The following ASAP1 variants were observed in gnomAD, a reference collection of about 807,000 sequenced individuals.
ASAP1 encodes arf-GAP with SH3 domain, ANK repeat and PH domain-containing protein 1.
A neutral mutation model predicts 145.2 loss-of-function variants in ASAP1; 43 were observed. That is an observed-to-expected ratio of 0.30 (90% CI 0.23 to 0.38). The LOEUF (loss-of-function observed/expected upper bound fraction) is 0.38. Among genes scored for constraint, ASAP1 ranks in the 10% least tolerant of loss-of-function variants. The pLI, the probability that ASAP1 is intolerant of heterozygous loss-of-function variation, is 1.00. For missense variants in ASAP1, 1,018 were observed against 1,355.3 expected (o/e 0.75, Z 3.91); for synonymous variants, 546 against 515.5 (o/e 1.06, Z -0.80).
At position 130,149,119 on chromosome 8, in the gene ASAP1, T is replaced by C. The variant is rs1274108870; in HGVS notation, c.1080+3617A>G. 2.6e-4 allele frequency among the ~76,000 whole-genome samples: 39 copies of C among 149,954 alleles called. 1 individual carries two copies. The highest frequency in any genetic ancestry group is 2.5e-3 in the Admixed American group (37 of 14,772). On this transcript the variant is annotated intron_variant, in intron 13 of 29. Transcript: ENST00000518721. ...TGTCTCAGCCTCCCAAAATGAGGCA[T>C]GAGCGGATTACAGGCATGAGCCACC...
intron 25 of ASAP1, chr8:130,084,483 A>C: frequency 6.6e-6 from 1 of 152,248 alleles, no homozygotes; most frequent in East Asian, 1.9e-4. Flanking sequence ...GCAATGGAAG[A>C]AGTGTGGCCA....
chr8:130,433,081 G>C (rs1250368296), intron 1 of ASAP1, among the ~76,000 whole-genome samples: 1 of 152,212 alleles, frequency 6.6e-6, no homozygotes, highest in Non-Finnish European at 1.5e-5. Context: ...GGAAGTAACT[G>C]TCCTACGAGA....
chr8:130,112,441 T>C, intron 23 of ASAP1, 119 bp from the exon 24 acceptor site: 1 of 750,050 alleles, frequency 1.3e-6, no homozygotes, highest in Non-Finnish European at 2.2e-6. Flanking sequence ...CTGAGCTTTA[T>C]GAGGTCAGCC....
At chr8:130,348,530 T>G (rs1430274193) in intron 3 of ASAP1, among the ~76,000 whole-genome samples, 1 of 152,212 alleles carries the variant, frequency 6.6e-6, no homozygotes, top group Non-Finnish European at 1.5e-5. Flanking sequence ...CAGACAGGGC[T>G]GTGGGCTGGA....
intron 1 of ASAP1, among the ~76,000 whole-genome samples, chr8:130,405,195 C>A (rs1565288610): frequency 6.6e-6 from 1 of 152,186 alleles, no homozygotes; most frequent in African/African-American, 2.4e-5. Context: ...GACAGCTGTT[C>A]TTGCAGAATT....
intron 2 of ASAP1, among the ~76,000 whole-genome samples, chr8:130,388,119 G>C (rs1828109027): frequency 6.6e-6 from 1 of 152,346 alleles, no homozygotes; most frequent in Middle Eastern, 3.4e-3. Context: ...GGAGGTACAG[G>C]GACAAGGCCC....
intron 27 of ASAP1, among the ~76,000 whole-genome samples, chr8:130,062,224 T>C (rs2097421122): frequency 6.6e-6 from 1 of 152,210 alleles, no homozygotes; most frequent in African/African-American, 2.4e-5. Context: ...AGGAAACAGC[T>C]GACTAAGGCA....
chr8:130,258,654 T>G (rs997277900), intron 3 of ASAP1, among the ~76,000 whole-genome samples: 3 of 152,132 alleles, frequency 2.0e-5, no homozygotes, highest in Non-Finnish European at 4.4e-5. Flanking sequence ...TTTTACAGGG[T>G]GAATGGGAGG....
intron 26 of ASAP1, 144 bp from the exon 27 acceptor site, chr8:130,076,550 CT>C: frequency 3.2e-6 from 2 of 633,834 alleles, no homozygotes; most frequent in East Asian, 5.9e-5. Flanking sequence ...GAGATGGAGT[CT>C]CCCTCTGTTG....
chr8:130,174,005 T>C (rs912555825), intron 9 of ASAP1, among the ~76,000 whole-genome samples: 1 of 150,594 alleles, frequency 6.6e-6, no homozygotes, highest in East Asian at 2.0e-4. Flanking sequence ...TGCTTGATGT[T>C]TGAACCCAGT....
chr8:130,140,472 T>C (rs2135854478), intron 13 of ASAP1, among the ~76,000 whole-genome samples: 1 of 152,164 alleles, frequency 6.6e-6, no homozygotes, highest in Admixed American at 6.5e-5. Flanking sequence ...CATCCAGGTA[T>C]TAGGCCAAGT....
chr8:130,230,469 A>G (rs762614535), intron 4 of ASAP1, among the ~76,000 whole-genome samples: 3 of 152,186 alleles, frequency 2.0e-5, no homozygotes, highest in Non-Finnish European at 4.4e-5. Context: ...TAATTTAAGG[A>G]GTAATGCTCT....
chr8:130,402,117 A>G, intron 1 of ASAP1, 147 bp from the exon 2 acceptor site: 1 of 566,242 alleles, frequency 1.8e-6, no homozygotes, highest in Non-Finnish European at 3.1e-6. Flanking sequence ...GTCCAGAAAT[A>G]TGAAGGAAAC....
At chr8:130,437,789 C>G (rs1012002590) in intron 1 of ASAP1, among the ~76,000 whole-genome samples, 1 of 152,166 alleles carries the variant, frequency 6.6e-6, no homozygotes, top group Non-Finnish European at 1.5e-5. Context: ...GTTGTGCCCA[C>G]GGCTGATCCT....
In ASAP1 at chr8:130,330,270, C is replaced by T. The variant is rs114803047; in HGVS notation, c.186+27747G>A. 6.3e-3 allele frequency among the ~76,000 whole-genome samples: 958 copies of T among 152,368 alleles called. 10 individuals carry two copies. The highest frequency in any genetic ancestry group is 0.022 in the African/African-American group (913 of 41,588). Reference sequence around the variant, plus strand: ...CCATTCCACTTTGCATTTTCTCACCCTGGGTCTTTGCTCAAAAGGTGTCCT... The same window carrying T: ...CCATTCCACTTTGCATTTTCTCACCTTGGGTCTTTGCTCAAAAGGTGTCCT... On this transcript the variant is annotated intron_variant, in intron 3 of 29. Coordinates refer to ENST00000518721, the MANE Select transcript of ASAP1 (RefSeq NM_018482.4).
At chr8:130,179,094 A>G in intron 9 of ASAP1, 170 bp downstream of exon 9, 1 of 493,852 alleles carries the variant, frequency 2.0e-6, no homozygotes, top group South Asian at 3.3e-5. Context: ...GATTTGTATA[A>G]AACACTGAAG....
chr8:130,276,714 ACACACACACACACACT>A (rs1471377091), intron 3 of ASAP1, among the ~76,000 whole-genome samples: 8 of 130,076 alleles, frequency 6.2e-5, no homozygotes, highest in African/African-American at 2.1e-4. Context: ...ACACACACAC[ACACACACACACACACT>A]CTCTCTCTCT....
intron 27 of ASAP1, among the ~76,000 whole-genome samples, chr8:130,062,307 G>A (rs2097421304): frequency 1.3e-5 from 2 of 152,156 alleles, no homozygotes; most frequent in South Asian, 2.1e-4. Flanking sequence ...TAAAGAAGGA[G>A]AAGAAACAGA....
At chr8:130,331,064 G>A (rs958009509) in intron 3 of ASAP1, among the ~76,000 whole-genome samples, 1 of 152,164 alleles carries the variant, frequency 6.6e-6, no homozygotes, top group Non-Finnish European at 1.5e-5. Context: ...AAGGGAATAA[G>A]ATTACTTCCC....
Sources: allele counts gnomAD v4.1 joint callset (sites outside exome capture counted in the v4.1 genomes callset), GRCh38; gene constraint gnomAD v4.1.1; transcripts MANE v1.5; gene names NCBI Gene and HGNC (gene_info 2026-07-23, HGNC 2026-07-21).